The following TMEM235 variants were observed in gnomAD, a reference collection of about 807,000 sequenced individuals.
TMEM235 encodes transmembrane protein 235, also known as claudin-27.
Under a neutral mutation model 22.9 loss-of-function variants are expected in TMEM235, and 23 were observed. That is an observed-to-expected ratio of 1.00 (90% CI 0.72 to 1.42). TMEM235 has a LOEUF of 1.42. Ranked by LOEUF, TMEM235 falls within the 40% of genes most tolerant of loss-of-function variation. TMEM235 has a pLI of 0.00. For missense variants in TMEM235, 308 were observed against 299.5 expected, an observed-to-expected ratio of 1.03 and a Z score of -0.21; for synonymous variants, 137 against 140.5, an observed-to-expected ratio of 0.98 and a Z score of 0.17.
rs540444926 is a variant in TMEM235, at chr17:78,237,351, C to G, written c.410-1673C>G. On this transcript the variant is annotated intron_variant, in intron 4 of 5. Transcript: ENST00000421688. The surrounding 1 kb of genome is among the most constrained non-coding windows in gnomAD (Gnocchi z 4.7). ...GATCTTGGGGGGCCTGGGGGACCGACAGGGCCCACGGTGACAGAGTCCTTT... is the reference window on the plus strand; with the variant it reads ...GATCTTGGGGGGCCTGGGGGACCGAGAGGGCCCACGGTGACAGAGTCCTTT... 2.6e-5 allele frequency among the ~76,000 whole-genome samples: 4 copies of G among 152,238 alleles called. No individual in the cohort carries two copies. Among genetic ancestry groups the G allele is most frequent in the African/African-American group, 9.6e-5 (4 of 41,546 alleles).
At position 78,231,535 on chromosome 17, in the gene TMEM235, G is replaced by A. The variant is rs564935914; in HGVS notation, c.-489G>A. 46 of 1,303,774 alleles carry A rather than the reference G, an allele frequency of 3.5e-5. No individual in the cohort carries two copies. The African/African-American group carries it at 6.2e-4, about 18-fold the overall frequency. 80.8% of individuals were successfully genotyped at this position (1,303,774 alleles called of 1,614,324 possible). ...AGGACCCCAGGGCCAGCCCGTGCCAGGCTCCTATGCTTCCAGGAGCACGGG... is the reference window on the plus strand; with the variant it reads ...AGGACCCCAGGGCCAGCCCGTGCCAAGCTCCTATGCTTCCAGGAGCACGGG... On this transcript the variant is annotated 5_prime_UTR_variant, in exon 2 of 6. Transcript: ENST00000421688.
Position 78,238,487 on chromosome 17 carries a change from C to T in TMEM235, c.410-537C>T, listed in dbSNP as rs558668754. On this transcript the variant is annotated intron_variant, in intron 4 of 5. Transcript: ENST00000421688. This position sits in a 1 kb window ranked among gnomAD's most constrained non-coding sequence, Gnocchi z 4.3. Reference sequence around the variant, plus strand: ...GTGTGAGGAAGAGGAGGCGGGGGTGCAGGGCAGGGACTCACTCTGATCAGA... The same window carrying T: ...GTGTGAGGAAGAGGAGGCGGGGGTGTAGGGCAGGGACTCACTCTGATCAGA... 2.6e-4 allele frequency among the ~76,000 whole-genome samples: 40 copies of T among 151,532 alleles called. No homozygotes were observed. The highest frequency in any genetic ancestry group is 7.2e-4 in the Admixed American group (11 of 15,216).
At chr17:78,231,937 C>G (rs1049606546) in exon 2 of TMEM235, 12 of 1,004,218 alleles carry the variant, frequency 1.2e-5, no homozygotes, top group Non-Finnish European at 1.4e-5. Flanking sequence ...CGCCCGCCCC[C>G]CGTCCCCCGG....
At chr17:78,233,651 C>T (rs368009642) in intron 2 of TMEM235, among the ~76,000 whole-genome samples, 5 of 150,480 alleles carry the variant, frequency 3.3e-5, no homozygotes, top group African/African-American at 9.8e-5. Context: ...ACCGAGATCG[C>T]GCCACTGCAC....
rs961365186 is a variant in TMEM235, at chr17:78,232,171, G to C, written c.148G>C (p.Glu50Gln). 1.3e-5 allele frequency: 20 copies of C among 1,493,422 alleles called. No homozygotes were observed. The African/African-American group carries it at 2.0e-4, about 15-fold the overall frequency. 92.5% of individuals were successfully genotyped at this position (1,493,422 alleles called of 1,614,324 possible). ...TGGCAGCGCCTGGCCCGGGCGCGCA[G>C]AGCTGCTCTCCTCGCACTCGGGGCT... The change falls in exon 2 of 6, where the codon GAG (glutamate) becomes CAG (glutamine). Residue 50 changes from glutamate (E) to glutamine (Q), a missense_variant. Around this residue, in one of 2 missense-constraint regions of TMEM235, gnomAD observed 285 missense variants for 256.2 expected, o/e 1.11. Transcript: ENST00000421688.
intron 2 of TMEM235, 97 bp from the exon 2 acceptor site, chr17:78,233,798 C>T (rs2145916045): frequency 9.6e-7 from 1 of 1,037,236 alleles, no homozygotes; most frequent in Non-Finnish European, 1.4e-6. Context: ...GAGAAGCTGG[C>T]AGGGCCCTGT....
At position 78,237,399 on chromosome 17, in the gene TMEM235, C is replaced by T. The variant is rs2076656137; in HGVS notation, c.410-1625C>T. On this transcript the variant is annotated intron_variant, in intron 4 of 5. Transcript: ENST00000421688. This position sits in a 1 kb window ranked among gnomAD's most constrained non-coding sequence, Gnocchi z 4.7. Reference sequence around the variant, plus strand: ...TTTAGAGTTTCCCAGCTTGAGGTTGCAGGTGCCAGCCGCAGAGGCCTCCTT... The same window carrying T: ...TTTAGAGTTTCCCAGCTTGAGGTTGTAGGTGCCAGCCGCAGAGGCCTCCTT... 6.6e-6 allele frequency among the ~76,000 whole-genome samples: 1 copy of T among 152,140 alleles called. No individual in the cohort carries two copies. The highest frequency in any genetic ancestry group is 1.5e-5 in the Non-Finnish European group (1 of 68,014).
In TMEM235 at chr17:78,238,203, C is replaced by G. The variant is rs538399707; in HGVS notation, c.410-821C>G. Among the ~76,000 whole-genome samples, 1 of 152,232 alleles carries G rather than the reference C, an allele frequency of 6.6e-6. No individual in the cohort carries two copies. The highest frequency in any genetic ancestry group is 1.5e-5 in the Non-Finnish European group (1 of 68,034). On this transcript the variant is annotated intron_variant, in intron 4 of 5. Coordinates refer to ENST00000421688, the Ensembl canonical transcript of TMEM235. This position sits in a 1 kb window ranked among gnomAD's most constrained non-coding sequence, Gnocchi z 4.3. ...AGGAAAATGCCCTGGAGGCATGGGC[C>G]GAGTCCCCTACCTAGCTCGTTGCTG...
exon 2 of TMEM235, chr17:78,231,740 A>T: frequency 8.1e-7 from 1 of 1,238,192 alleles, no homozygotes; most frequent in Non-Finnish European, 1.0e-6. Flanking sequence ...GCCCGTGGGG[A>T]CGCTGGGATT....
In TMEM235 at chr17:78,238,550, CTGTGTGTGTGTGTGTGTG is replaced by C. The variant is rs55893266; in HGVS notation, c.410-455_410-438del. 6.5e-5 allele frequency among the ~76,000 whole-genome samples: 9 copies of C among 138,230 alleles called. No individual in the cohort carries two copies. The highest frequency in any genetic ancestry group is 2.4e-4 in the African/African-American group (9 of 37,060). The allele number at this position is 138,230 out of a possible 152,430, so 90.7% of individuals were successfully genotyped here. On this transcript the variant is annotated intron_variant, in intron 4 of 5. Coordinates refer to ENST00000421688, the Ensembl canonical transcript of TMEM235. This position sits in a 1 kb window ranked among gnomAD's most constrained non-coding sequence, Gnocchi z 4.3. ...GCTGCTGCCAGCAGAGGCCATGGCT[CTGTGTGTGTGTGTGTGTG>C]TGTGTGTGTGTGTGTGTGAATGTGT...
rs1224790470 is a variant in TMEM235, at chr17:78,231,876, T to G, written c.-148T>G. ...GACCCCAGGGGGCCCGCGAGGCCAG[T>G]GCGCGGGCAGGAGCGGGGACGTGCT... On this transcript the variant is annotated 5_prime_UTR_variant, in exon 2 of 6. Transcript: ENST00000421688. The G allele has an allele frequency of 5.3e-6, 6 of 1,135,842 alleles. No homozygotes were observed. In the Admixed American group the frequency reaches 1.8e-4, roughly 34 times the overall value. The allele number at this position is 1,135,842 out of a possible 1,614,324, so 70.4% of individuals were successfully genotyped here.
In TMEM235 at chr17:78,231,614, T is replaced by G; in HGVS notation, c.-410T>G. On this transcript the variant is annotated 5_prime_UTR_variant, in exon 2 of 6. Transcript: ENST00000421688. The stretch of plus-strand genomic sequence containing the variant: ...CCTCCTGGGGTCGGTCTCTGGCCGA[T>G]CCTCCCTCCTCCTCTCAAGCCCTGC... 3.1e-6 allele frequency: 4 copies of G among 1,303,276 alleles called. No individual in the cohort carries two copies. Among genetic ancestry groups the G allele is most frequent in the Non-Finnish European group, 4.0e-6 (4 of 988,138 alleles). 80.7% of individuals were successfully genotyped at this position (1,303,276 alleles called of 1,614,324 possible). A position where few individuals can be genotyped will look rare whatever the true frequency, so the allele number is the denominator to read the frequency against.
Position 78,239,780 on chromosome 17 carries a change from A to AG in TMEM235, c.665dup (p.Asp223ArgfsTer63). On this transcript the variant is annotated frameshift_variant and splice_region_variant, in exon 6 of 6. Transcript: ENST00000421688. LOFTEE classifies it high-confidence loss of function. ...TGACTACCCTTTATCCATTTTACAG[A>AG]GGGGGAGACTGAGGCCCAGAGCGGC... 6.5e-7 allele frequency: 1 copy of AG among 1,541,610 alleles called. No homozygotes were observed. Among genetic ancestry groups the AG allele is most frequent in the Non-Finnish European group, 8.8e-7 (1 of 1,138,882 alleles).
rs201037898 is a variant in TMEM235, at chr17:78,239,255, C to T, written c.641C>T (p.Pro214Leu). 627 of 1,541,326 alleles carry T rather than the reference C, an allele frequency of 4.1e-4. No individual in the cohort carries two copies. Among genetic ancestry groups the T allele is most frequent in the Non-Finnish European group, 5.1e-4 (588 of 1,146,836 alleles). ...CCCCCAATCTGTGGTCATCTGAGTC[C>T]CCAGCAGGTGGGAGGGAGGTAAGAG... The change falls in exon 5 of 6, where the codon CCC becomes CTC. Residue 214 changes from proline to leucine, a missense_variant. Physicochemically the swap from Pro to Leu is moderately conservative, Grantham distance 98 (BLOSUM62 -3). Coordinates refer to ENST00000421688, the Ensembl canonical transcript of TMEM235.
At chr17:78,235,550 G>A (rs560159780) in intron 4 of TMEM235, among the ~76,000 whole-genome samples, 134 of 151,030 alleles carry the variant, frequency 8.9e-4, no homozygotes, top group African/African-American at 3.1e-3. Flanking sequence ...GCCTCCCTAA[G>A]TGCTGGGATT....
rs537372289 is a variant in TMEM235, at chr17:78,235,152, G to C, written c.409+422G>C. 1.6e-4 allele frequency among the ~76,000 whole-genome samples: 24 copies of C among 152,350 alleles called. 2 individuals are homozygous for C. In the South Asian group the frequency reaches 4.6e-3, roughly 29 times the overall value. ...AGAGGTTTAATTGGCTCATGGTTCT[G>C]CATGCTGTAGAGGAAGCATGATGCT... is the stretch of plus-strand genomic sequence containing the variant. On this transcript the variant is annotated intron_variant, in intron 4 of 5. Coordinates refer to ENST00000421688, the Ensembl canonical transcript of TMEM235.
chr17:78,231,871 G>GCC (rs908210388), exon 2 of TMEM235: 18 of 1,141,086 alleles, frequency 1.6e-5, no homozygotes, highest in Non-Finnish European at 2.0e-5. Flanking sequence ...GGCCCGCGAG[G>GCC]CCAGTGCGCG....
rs1051613289 is a variant in TMEM235, at chr17:78,234,358, C to T, written c.272-235C>T. 1.1e-5 allele frequency: 8 copies of T among 723,128 alleles called. No homozygotes were observed. The African/African-American group carries it at 1.2e-4, about 11-fold the overall frequency. 44.8% of individuals were successfully genotyped at this position (723,128 alleles called of 1,614,324 possible). A position where few individuals can be genotyped will look rare whatever the true frequency, so the allele number is the denominator to read the frequency against. ...ACCTTCCACCTGGCGGGTTGGGGGA[C>T]ATGTGAGGCCTGGGGATGGGGGCTG... On this transcript the variant is annotated intron_variant, in intron 3 of 5. Transcript: ENST00000421688.
At position 78,234,582 on chromosome 17, in the gene TMEM235, C is replaced by T. The variant is rs776405446; in HGVS notation, c.272-11C>T. On this transcript the variant is annotated splice_polypyrimidine_tract_variant and intron_variant, in intron 3 of 5. Transcript: ENST00000421688. The stretch of plus-strand genomic sequence containing the variant: ...GGACCAGAATTCTCACCTGAGCCCC[C>T]TTTCCTGCAGTGCTGCACCGTGCAG... 4.2e-5 allele frequency: 65 copies of T among 1,535,968 alleles called. 1 individual carries two copies. The South Asian group carries it at 4.5e-4, about 11-fold the overall frequency.
Sources: allele counts gnomAD v4.1 joint callset (sites outside exome capture counted in the v4.1 genomes callset), GRCh38; gene constraint gnomAD v4.1.1; regional missense constraint gnomAD v4.1.1; non-coding constraint Gnocchi (gnomAD v3.1); transcripts MANE v1.5; gene names NCBI Gene and HGNC (gene_info 2026-07-23, HGNC 2026-07-21).